Variants in PRKG2 observed in about 807,000 individuals in gnomAD.
PRKG2 encodes the protein cGMP-dependent protein kinase 2.
Under a neutral mutation model 97.2 loss-of-function variants are expected in PRKG2, and 33 were observed. That is an observed-to-expected ratio of 0.34 (90% CI 0.26 to 0.45). PRKG2 has a LOEUF of 0.45. Ranked by LOEUF, PRKG2 falls within the 20% of genes least tolerant of loss-of-function variation. The probability of loss-of-function intolerance (pLI) is 1.00; values close to 1 mark genes in which losing one functional copy is unlikely to be tolerated. For synonymous variants in PRKG2, 330 were observed against 321.8 expected, an observed-to-expected ratio of 1.03 and a Z score of -0.27; for missense variants, 638 against 900.0, an observed-to-expected ratio of 0.71 and a Z score of 3.73.
chr4:81,144,620 T>TA (rs927782670), intron 9 of PRKG2, among the ~76,000 whole-genome samples: 19 of 150,122 alleles, frequency 1.3e-4, no homozygotes, highest in Non-Finnish European at 2.4e-4. Flanking sequence ...ATTTTTTTTT[T>TA]ATTATACTTT....
intron 1 of PRKG2, among the ~76,000 whole-genome samples, chr4:81,209,313 G>A (rs1157759737): frequency 6.6e-6 from 1 of 152,046 alleles, no homozygotes; most frequent in Non-Finnish European, 1.5e-5. Flanking sequence ...CTTGGCTCTG[G>A]TCTAGATAAT....
At chr4:81,112,262 T>A (rs1302788397) in intron 14 of PRKG2, among the ~76,000 whole-genome samples, 1 of 152,320 alleles carries the variant, frequency 6.6e-6, no homozygotes, top group South Asian at 2.1e-4. Flanking sequence ...TGATTATATC[T>A]ACTGTGTGGT....
At chr4:81,139,929 T>C (rs893448267) in intron 12 of PRKG2, among the ~76,000 whole-genome samples, 12 of 152,092 alleles carry the variant, frequency 7.9e-5, no homozygotes, top group Admixed American at 6.6e-4. Flanking sequence ...TCATCTTGCA[T>C]GGAAAGTTTA....
intron 5 of PRKG2, among the ~76,000 whole-genome samples, chr4:81,168,237 G>A (rs1319179940): frequency 6.6e-6 from 1 of 152,020 alleles, no homozygotes; most frequent in Non-Finnish European, 1.5e-5. Flanking sequence ...TTGGAGGTTG[G>A]TGGCAAAAGA....
At chr4:81,214,168 A>G (rs1013511264) in intron 1 of PRKG2, among the ~76,000 whole-genome samples, 3 of 151,202 alleles carry the variant, frequency 2.0e-5, no homozygotes, top group South Asian at 2.1e-4. Flanking sequence ...AAAAAAAAAA[A>G]AAGAAGGAGA....
At chr4:81,169,367 C>T (rs17005074) in intron 5 of PRKG2, among the ~76,000 whole-genome samples, 16,576 of 152,072 alleles carry the variant, frequency 0.11, 1,103 homozygotes, top group Middle Eastern at 0.21. Flanking sequence ...GCCAACTGAG[C>T]AACCCAATTA....
chr4:81,111,203 A>G (rs1743900414), intron 14 of PRKG2, among the ~76,000 whole-genome samples: 1 of 152,166 alleles, frequency 6.6e-6, no homozygotes, highest in African/African-American at 2.4e-5. Flanking sequence ...TCAGGGTAAT[A>G]TCATGCCAAC....
intron 14 of PRKG2, among the ~76,000 whole-genome samples, chr4:81,119,252 A>T (rs113547018): frequency 0.026 from 3,966 of 152,192 alleles, 169 homozygotes; most frequent in African/African-American, 0.09. Context: ...TGCATTATAC[A>T]TTTAGGTCTT....
chr4:81,169,516 T>C, intron 5 of PRKG2, 147 bp downstream of exon 5: 1 of 634,306 alleles, frequency 1.6e-6, no homozygotes, highest in Non-Finnish European at 2.7e-6. Flanking sequence ...TACTGGCATT[T>C]ACTGCAAGCA....
intron 1 of PRKG2, among the ~76,000 whole-genome samples, chr4:81,209,083 G>A (rs540824694): frequency 3.9e-5 from 6 of 152,262 alleles, no homozygotes; most frequent in African/African-American, 1.4e-4. Context: ...GTGGCATTTC[G>A]CTAGAAGAGA....
intron 16 of PRKG2, 92 bp from the exon 17 acceptor site, chr4:81,104,524 T>A (rs1280900131): frequency 7.1e-6 from 4 of 562,074 alleles, no homozygotes; most frequent in Non-Finnish European, 1.0e-5. Flanking sequence ...TAACATCTAT[T>A]TGTTAATTAA....
chr4:81,186,546 C>T (rs181055934), intron 2 of PRKG2, among the ~76,000 whole-genome samples: 1 of 152,216 alleles, frequency 6.6e-6, no homozygotes, highest in African/African-American at 2.4e-5. Context: ...GACACCCTAA[C>T]ATCACAATTA....
chr4:81,203,814 CT>C (rs987440553), intron 2 of PRKG2, among the ~76,000 whole-genome samples: 3 of 152,070 alleles, frequency 2.0e-5, no homozygotes, highest in African/African-American at 7.2e-5. Flanking sequence ...GTAATTCTAG[CT>C]TTTAATTGTT....
chr4:81,150,823 T>C (rs554821696), intron 8 of PRKG2, among the ~76,000 whole-genome samples: 3 of 152,238 alleles, frequency 2.0e-5, no homozygotes, highest in Admixed American at 1.3e-4. Flanking sequence ...CATTATTATA[T>C]TGCATGAATG....
chr4:81,101,200 G>C (rs1454082382), intron 17 of PRKG2, among the ~76,000 whole-genome samples: 1 of 151,896 alleles, frequency 6.6e-6, no homozygotes, highest in Non-Finnish European at 1.5e-5. Context: ...ATTTGACCCA[G>C]CCATCCCATT....
chr4:81,160,736 A>G (rs1749536537), intron 6 of PRKG2, among the ~76,000 whole-genome samples: 1 of 152,188 alleles, frequency 6.6e-6, no homozygotes, highest in Non-Finnish European at 1.5e-5. Context: ...GAAATCTTAA[A>G]TTATTGCATA....
Position 81,215,124 on chromosome 4 carries a change from T to A in PRKG2, c.-202A>T, listed in dbSNP as rs920011353. On this transcript the variant is annotated 5_prime_UTR_variant, in exon 1 of 19. Transcript: ENST00000264399. ...GGCCCGGGGCTGCCGGCTCAGTCGC[T>A]CCGGCTACGTGTGAGCCGGGGGCGC... 2.0e-5 allele frequency: 3 copies of A among 152,268 alleles called. No individual in the cohort carries two copies. Among genetic ancestry groups the A allele is most frequent in the Admixed American group, 2.0e-4 (3 of 15,282 alleles). The allele number at this position is 152,268 out of a possible 1,614,324, so 9.4% of individuals were successfully genotyped here. A position where few individuals can be genotyped will look rare whatever the true frequency, so the allele number is the denominator to read the frequency against.
chr4:81,125,264 T>C (rs972460461), intron 14 of PRKG2, among the ~76,000 whole-genome samples: 3 of 152,336 alleles, frequency 2.0e-5, no homozygotes, highest in South Asian at 2.1e-4. Context: ...ACTGTCAAGA[T>C]AGAGGCATTC....
intron 13 of PRKG2, among the ~76,000 whole-genome samples, chr4:81,135,892 G>T (rs191464020): frequency 6.6e-6 from 1 of 151,712 alleles, no homozygotes; most frequent in Non-Finnish European, 1.5e-5. Flanking sequence ...CATGGCTTTG[G>T]AGTGACAGAA....
Sources: gnomAD v4.1 joint callset for allele counts (sites outside exome capture counted in the v4.1 genomes callset) on GRCh38, gnomAD v4.1.1 for gene constraint, MANE v1.5 for transcripts, NCBI Gene and HGNC (gene_info 2026-07-23, HGNC 2026-07-21) for gene names.